Variants in PTPRT observed in about 807,000 individuals in gnomAD.
PTPRT encodes protein tyrosine phosphatase receptor type T.
A neutral mutation model predicts 176.8 loss-of-function variants in PTPRT; 56 were observed. The observed-to-expected ratio is 0.32, with a 90% CI of 0.26 to 0.40. PTPRT has a LOEUF of 0.40. Ranked by LOEUF, PTPRT falls within the 10% of genes least tolerant of loss-of-function variation. The pLI is 1.00. For missense variants in PTPRT, 1,540 were observed against 1,908.2 expected, an observed-to-expected ratio of 0.81 and a Z score of 3.60; for synonymous variants, 783 against 739.0, an observed-to-expected ratio of 1.06 and a Z score of -0.96.
chr20:42,330,548 T>A (rs909116267), intron 11 of PTPRT, among the ~76,000 whole-genome samples: 1 of 151,928 alleles, frequency 6.6e-6, no homozygotes, highest in Non-Finnish European at 1.5e-5. Flanking sequence ...TGTTAATAAC[T>A]CAATTAAACA....
At chr20:42,707,308 G>C (rs2076074980) in intron 6 of PTPRT, among the ~76,000 whole-genome samples, 1 of 151,936 alleles carries the variant, frequency 6.6e-6, no homozygotes. Context: ...CTGTTATACG[G>C]GCCCTGTATA....
intron 15 of PTPRT, among the ~76,000 whole-genome samples, chr20:42,202,317 A>G (rs909154465): frequency 6.6e-6 from 1 of 152,186 alleles, no homozygotes; most frequent in African/African-American, 2.4e-5. Flanking sequence ...TTGGAGAAAC[A>G]TGTAGCCTAA....
intron 18 of PTPRT, among the ~76,000 whole-genome samples, chr20:42,134,696 G>A (rs1185279374): frequency 6.6e-6 from 1 of 152,138 alleles, no homozygotes; most frequent in East Asian, 1.9e-4. Flanking sequence ...GCTGATTTCT[G>A]TGGTGTAAAT....
At chr20:42,083,154 CAT>C (rs1341470842) in intron 29 of PTPRT, among the ~76,000 whole-genome samples, 3 of 76,862 alleles carry the variant, frequency 3.9e-5, no homozygotes, top group Non-Finnish European at 7.7e-5. Flanking sequence ...AAAAAACAAA[CAT>C]GAGAGAGAGA....
the PTPRT span, among the ~76,000 whole-genome samples, chr20:42,063,198 G>A: frequency 4.6e-5 from 7 of 152,076 alleles, no homozygotes; most frequent in Non-Finnish European, 8.8e-5. Flanking sequence ...TTTTTGTGAC[G>A]AGGGCATTTT....
At chr20:43,120,516 C>T (rs1050256980) in intron 1 of PTPRT, among the ~76,000 whole-genome samples, 2 of 152,202 alleles carry the variant, frequency 1.3e-5, no homozygotes, top group Non-Finnish European at 2.9e-5. Flanking sequence ...CGTGATCCGC[C>T]CGCCTCGGTC....
intron 1 of PTPRT, among the ~76,000 whole-genome samples, chr20:43,050,463 T>C (rs1391419538): frequency 1.3e-5 from 2 of 152,160 alleles, no homozygotes; most frequent in Non-Finnish European, 2.9e-5. Context: ...TCACAGGCCA[T>C]CTACCACCAG....
At chr20:42,822,859 A>C (rs576464728) in intron 2 of PTPRT, among the ~76,000 whole-genome samples, 2 of 152,334 alleles carry the variant, frequency 1.3e-5, no homozygotes, top group African/African-American at 4.8e-5. Context: ...ATCTCATGCC[A>C]GTCAGAATGG....
intron 29 of PTPRT, among the ~76,000 whole-genome samples, chr20:42,084,366 C>T (rs73119847): frequency 0.038 from 5,798 of 152,332 alleles, 182 homozygotes; most frequent in Middle Eastern, 0.065. Context: ...CAGTGCCTTT[C>T]CCTCATGCTC....
intron 1 of PTPRT, among the ~76,000 whole-genome samples, chr20:42,988,516 C>T (rs544142324): frequency 6.6e-6 from 1 of 152,162 alleles, no homozygotes; most frequent in African/African-American, 2.4e-5. Flanking sequence ...TTCCCATCCC[C>T]CATGTGCTGC....
chr20:42,515,061 C>T (rs1381563852), intron 7 of PTPRT, among the ~76,000 whole-genome samples: 6 of 152,142 alleles, frequency 3.9e-5, no homozygotes, highest in Admixed American at 2.6e-4. Context: ...TAATTGCCAT[C>T]GGATCTATAG....
intron 9 of PTPRT, among the ~76,000 whole-genome samples, chr20:42,426,799 A>AG (rs2145787867): frequency 6.6e-6 from 1 of 152,262 alleles, no homozygotes; most frequent in South Asian, 2.1e-4. Flanking sequence ...GTGTCCTGCA[A>AG]GGGGGGTCAG....
In PTPRT at chr20:42,079,886, G is replaced by A. The variant is rs572001740; in HGVS notation, c.*993C>T. On this transcript the variant is annotated 3_prime_UTR_variant, in exon 31 of 31. Coordinates refer to ENST00000373187, the MANE Select transcript of PTPRT (RefSeq NM_007050.6). ...ATTGCCAGGAAAAAATAAAAGGCCC[G>A]AGAGATTTGTCTTAGAGGTACATAC... 40 of 232,278 alleles carry A rather than the reference G, an allele frequency of 1.7e-4. No homozygotes were observed. The highest frequency in any genetic ancestry group is 7.5e-4 in the African/African-American group (34 of 45,368). The allele number at this position is 232,278 out of a possible 1,614,324, so 14.4% of individuals were successfully genotyped here. A position where few individuals can be genotyped will look rare whatever the true frequency, so the allele number is the denominator to read the frequency against.
intron 1 of PTPRT, among the ~76,000 whole-genome samples, chr20:43,030,124 C>T (rs1242626866): frequency 2.6e-5 from 4 of 152,142 alleles, no homozygotes; most frequent in Non-Finnish European, 5.9e-5. Context: ...ACTAATTAAG[C>T]ACCTACTAAA....
At chr20:42,948,770 C>T (rs1203600125) in intron 1 of PTPRT, among the ~76,000 whole-genome samples, 1 of 152,160 alleles carries the variant, frequency 6.6e-6, no homozygotes, top group South Asian at 2.1e-4. Flanking sequence ...TTTGCTTATG[C>T]CATTTTGGGT....
chr20:42,094,377 T>G (rs1291516343), intron 27 of PTPRT, among the ~76,000 whole-genome samples: 1 of 152,204 alleles, frequency 6.6e-6, no homozygotes, highest in African/African-American at 2.4e-5. Context: ...GTTATCTCAG[T>G]TTCTAACCTT....
intron 1 of PTPRT, among the ~76,000 whole-genome samples, chr20:42,957,920 T>C (rs1033972170): frequency 6.6e-6 from 1 of 151,956 alleles, no homozygotes; most frequent in Non-Finnish European, 1.5e-5. Flanking sequence ...AGATTTCCAT[T>C]AATTACTTTT....
At chr20:42,488,471 T>G (rs1255851782) in intron 7 of PTPRT, among the ~76,000 whole-genome samples, 1 of 152,206 alleles carries the variant, frequency 6.6e-6, no homozygotes, top group East Asian at 1.9e-4. Context: ...ACTATTTTAA[T>G]TTATATTGTT....
At chr20:42,917,552 C>A (rs1373036567) in intron 1 of PTPRT, among the ~76,000 whole-genome samples, 1 of 152,098 alleles carries the variant, frequency 6.6e-6, no homozygotes, top group Non-Finnish European at 1.5e-5. Context: ...TTACATTGGG[C>A]AGTATGGCCA....
Sources: allele counts gnomAD v4.1 joint callset (sites outside exome capture counted in the v4.1 genomes callset), GRCh38; gene constraint gnomAD v4.1.1; transcripts MANE v1.5; gene names NCBI Gene and HGNC (gene_info 2026-07-23, HGNC 2026-07-21).